RABGAP1: variants seen among roughly 807,000 people sequenced by gnomAD.
The protein encoded by RABGAP1 is rab GTPase-activating protein 1.
A neutral mutation model predicts 137.6 loss-of-function variants in RABGAP1; 23 were observed. The ratio of observed to expected loss-of-function variants is 0.17; its 90% confidence interval spans 0.12 to 0.24. The LOEUF (loss-of-function observed/expected upper bound fraction) is 0.24, where lower values mean the gene tolerates loss of function less well. Ranked by LOEUF, RABGAP1 falls within the 10% of genes least tolerant of loss-of-function variation. RABGAP1 has a pLI of 1.00. For missense variants in RABGAP1, 906 were observed against 1,275.8 expected, an observed-to-expected ratio of 0.71 and a Z score of 4.42; for synonymous variants, 451 against 450.7, an observed-to-expected ratio of 1.00 and a Z score of -0.01.
At chr9:123,001,297 C>G (rs535805029) in intron 10 of RABGAP1, among the ~76,000 whole-genome samples, 2 of 152,154 alleles carry the variant, frequency 1.3e-5, no homozygotes, top group African/African-American at 2.4e-5. Flanking sequence ...TCCCAAGTAC[C>G]TGGAACATAG....
chr9:123,052,159 G>A (rs1372385787), intron 13 of RABGAP1, among the ~76,000 whole-genome samples: 1 of 152,156 alleles, frequency 6.6e-6, no homozygotes, highest in East Asian at 1.9e-4. Flanking sequence ...ACTCAATACT[G>A]ATAAGAGAAT....
intron 10 of RABGAP1, among the ~76,000 whole-genome samples, chr9:123,009,942 A>T (rs150777654): frequency 6.6e-6 from 1 of 152,294 alleles, no homozygotes; most frequent in East Asian, 1.9e-4. Context: ...GTAATTTAAA[A>T]CACTTTTTCT....
At chr9:122,992,092 A>G (rs948335547) in intron 6 of RABGAP1, among the ~76,000 whole-genome samples, 2 of 151,834 alleles carry the variant, frequency 1.3e-5, no homozygotes, top group African/African-American at 2.4e-5. Context: ...GCTGGAATGT[A>G]GTGGCACGAT....
chr9:123,002,282 CAA>C (rs1468320380), intron 10 of RABGAP1, among the ~76,000 whole-genome samples: 6 of 144,900 alleles, frequency 4.1e-5, no homozygotes, highest in Non-Finnish European at 9.0e-5. Flanking sequence ...GCCTGGGCAA[CAA>C]GAGCAAAACT....
At chr9:123,057,630 T>C (rs1025314789) in intron 13 of RABGAP1, among the ~76,000 whole-genome samples, 1 of 152,004 alleles carries the variant, frequency 6.6e-6, no homozygotes, top group Non-Finnish European at 1.5e-5. Flanking sequence ...GCAGAGACGC[T>C]CCTCACTTCC....
intron 1 of RABGAP1, among the ~76,000 whole-genome samples, chr9:122,945,147 C>CTTTTTGTTTTTTTTTTTTTTTTTTT (rs1833873609): frequency 1.3e-5 from 1 of 75,772 alleles, no homozygotes; most frequent in Non-Finnish European, 2.9e-5. Flanking sequence ...ATAGCTGTTG[C>CTTTTTGTTTTTTTTTTTTTTTTTTT]TTTTTTTTTT....
intron 19 of RABGAP1, among the ~76,000 whole-genome samples, chr9:123,088,782 A>G (rs1261477867): frequency 6.6e-6 from 1 of 152,214 alleles, no homozygotes; most frequent in African/African-American, 2.4e-5. Context: ...AAGAGGGGGA[A>G]AGCCTGTTAC....
intron 2 of RABGAP1, chr9:122,971,988 A>G (rs972733427): frequency 6.6e-6 from 1 of 152,268 alleles, no homozygotes; most frequent in Non-Finnish European, 1.5e-5. Flanking sequence ...GAACTGGAGA[A>G]CATCATAGCC....
intron 2 of RABGAP1, among the ~76,000 whole-genome samples, chr9:122,958,101 C>T (rs1360307260): frequency 6.6e-6 from 1 of 152,158 alleles, no homozygotes; most frequent in African/African-American, 2.4e-5. Flanking sequence ...GTGCTTCCCC[C>T]CACCCCCATT....
chr9:123,099,486 T>G lies in RABGAP1; in HGVS notation c.2826T>G (p.Ser942=), dbSNP rs752062979. The G allele has an allele frequency of 8.1e-6, 13 of 1,611,408 alleles. No homozygotes were observed. Among genetic ancestry groups the G allele is most frequent in the Non-Finnish European group, 1.0e-5 (12 of 1,177,562 alleles). ...SIIGDYKQIC[S]QLSERLEKQQ... is the part of the protein sequence containing the mutation. ...TATATTTGTTTCTTTAGATTTGTTCTCAGTTGAGTGAAAGATTGGAGAAGC... is the reference window on the plus strand; with the variant it reads ...TATATTTGTTTCTTTAGATTTGTTCGCAGTTGAGTGAAAGATTGGAGAAGC... Residue 942 remains serine, a synonymous_variant, in exon 24 of 26, where the codon TCT becomes TCG. Transcript: ENST00000373647.
chr9:122,946,300 AATTCATGTAGATTAAAGAG>A (rs1343972043), intron 1 of RABGAP1, among the ~76,000 whole-genome samples: 4 of 152,320 alleles, frequency 2.6e-5, no homozygotes, highest in African/African-American at 9.6e-5. Flanking sequence ...CTGAGTTTTA[AATTCATGTAGATTAAAGAG>A]AAGTGAATAA....
intron 24 of RABGAP1, among the ~76,000 whole-genome samples, chr9:123,099,886 G>C (rs1386908315): frequency 6.6e-6 from 1 of 152,270 alleles, no homozygotes; most frequent in Non-Finnish European, 1.5e-5. Context: ...TGGGAGTGCA[G>C]AGGTCAGAAT....
chr9:123,058,306 A>G (rs2033827831), intron 13 of RABGAP1, among the ~76,000 whole-genome samples: 2 of 152,128 alleles, frequency 1.3e-5, no homozygotes, highest in East Asian at 1.9e-4. Flanking sequence ...ATATGAAAAG[A>G]TACAATATTT....
chr9:123,007,077 G>T, intron 10 of RABGAP1, among the ~76,000 whole-genome samples: 1 of 90,008 alleles, frequency 1.1e-5, no homozygotes, highest in Non-Finnish European at 2.1e-5. Flanking sequence ...TTTTTCATTT[G>T]TTTGTGGGTT....
chr9:122,965,032 C>T (rs953086380), intron 2 of RABGAP1, among the ~76,000 whole-genome samples: 2 of 151,922 alleles, frequency 1.3e-5, no homozygotes, highest in Admixed American at 1.3e-4. Flanking sequence ...AAGTGAAAAA[C>T]AACAACAACA....
At chr9:122,998,209 C>T (rs186017360) in intron 9 of RABGAP1, among the ~76,000 whole-genome samples, 2 of 152,166 alleles carry the variant, frequency 1.3e-5, no homozygotes, top group East Asian at 3.9e-4. Context: ...AAGTGATTCT[C>T]CTACCTCAGC....
intron 13 of RABGAP1, among the ~76,000 whole-genome samples, chr9:123,057,865 A>T (rs1486042419): frequency 1.3e-5 from 2 of 152,224 alleles, no homozygotes; most frequent in Non-Finnish European, 2.9e-5. Context: ...AGCCCCGCCA[A>T]CACAGCAAAA....
At chr9:123,045,308 C>T (rs914955823) in intron 13 of RABGAP1, among the ~76,000 whole-genome samples, 1 of 152,060 alleles carries the variant, frequency 6.6e-6, no homozygotes, top group Non-Finnish European at 1.5e-5. Context: ...TTTAGCTAGA[C>T]GAAAAAATAA....
At chr9:123,025,361 C>T (rs1729529862) in intron 13 of RABGAP1, among the ~76,000 whole-genome samples, 1 of 152,128 alleles carries the variant, frequency 6.6e-6, no homozygotes, top group Admixed American at 6.5e-5. Flanking sequence ...CTTGACTATT[C>T]TGCAAATTTA....
Sources: gnomAD v4.1 joint callset for allele counts (sites outside exome capture counted in the v4.1 genomes callset) on GRCh38, gnomAD v4.1.1 for gene constraint, MANE v1.5 for transcripts, NCBI Gene and HGNC (gene_info 2026-07-23, HGNC 2026-07-21) for gene names.